XPO5: variants seen among roughly 807,000 people sequenced by gnomAD.
The protein encoded by XPO5 is exportin 5, also known as exportin-5.
XPO5 carries 46 observed loss-of-function variants against 160.6 expected under a neutral mutation model. The observed-to-expected ratio is 0.29, with a 90% CI of 0.23 to 0.37. The LOEUF (loss-of-function observed/expected upper bound fraction) is 0.37, where lower values mean the gene tolerates loss of function less well. Ranked by LOEUF, XPO5 falls within the 10% of genes least tolerant of loss-of-function variation. The pLI, the probability that XPO5 is intolerant of heterozygous loss-of-function variation, is 1.00. For missense variants in XPO5, 1,090 were observed against 1,463.9 expected, an observed-to-expected ratio of 0.74 and a Z score of 4.17; for synonymous variants, 537 against 519.3, an observed-to-expected ratio of 1.03 and a Z score of -0.46.
chr6:43,546,553 G>C lies in XPO5; in HGVS notation c.2342+18C>G. ...GTAAAGTAGAAAACAACAGAGAAAA[G>C]CCATTATTCTGACTCACCTTATAAG... On this transcript the variant is annotated intron_variant, in intron 20 of 31. Coordinates refer to ENST00000265351, the MANE Select transcript of XPO5 (RefSeq NM_020750.3). 1 of 1,589,252 alleles carries C rather than the reference G, an allele frequency of 6.3e-7. No homozygotes were observed. The highest frequency in any genetic ancestry group is 1.4e-5 in the African/African-American group (1 of 73,618).
intron 12 of XPO5, among the ~76,000 whole-genome samples, chr6:43,556,745 T>C (rs140260429): frequency 1.3e-5 from 2 of 152,248 alleles, no homozygotes; most frequent in African/African-American, 2.4e-5. Flanking sequence ...TTATTTGTAA[T>C]AGCCAAAAAA....
intron 20 of XPO5, chr6:43,539,671 A>T: frequency 9.8e-7 from 1 of 1,025,520 alleles, no homozygotes; most frequent in Non-Finnish European, 1.4e-6. Flanking sequence ...CAGGGCCTCC[A>T]GGCCCCCCCA....
intron 20 of XPO5, chr6:43,539,531 T>G: frequency 6.7e-7 from 1 of 1,503,652 alleles, no homozygotes; most frequent in Non-Finnish European, 9.1e-7. Flanking sequence ...CATCCACTCC[T>G]TATCTTTGGC....
chr6:43,560,829 ATT>A, intron 10 of XPO5, 93 bp downstream of exon 10: 1 of 1,082,306 alleles, frequency 9.2e-7, no homozygotes, highest in Non-Finnish European at 1.4e-6. Flanking sequence ...GAAGAGTCAC[ATT>A]TTATACATGA....
chr6:43,575,401 T>C (rs1165921258), intron 1 of XPO5, among the ~76,000 whole-genome samples: 1 of 151,866 alleles, frequency 6.6e-6, no homozygotes, highest in African/African-American at 2.4e-5. Context: ...GATCTACACG[T>C]GCGCCTCGGG....
chr6:43,526,291 G>C, intron 27 of XPO5: 1 of 359,078 alleles, frequency 2.8e-6, no homozygotes, highest in Non-Finnish European at 5.2e-6. Context: ...ATGGGAGATA[G>C]GTAAGAAAGG....
chr6:43,570,824 A>G, intron 4 of XPO5, 33 bp downstream of exon 4: 7 of 1,569,024 alleles, frequency 4.5e-6, no homozygotes, highest in Non-Finnish European at 6.0e-6. Context: ...TCCAAGGAAA[A>G]GTATACCAAA....
intron 15 of XPO5, 21 bp downstream of exon 15, chr6:43,551,277 C>T: frequency 6.5e-7 from 1 of 1,536,514 alleles, no homozygotes; most frequent in Non-Finnish European, 8.7e-7. Context: ...ATAAAATTTA[C>T]AAAGGAGATG....
At chr6:43,538,026 A>G (rs1267427047) in intron 20 of XPO5, among the ~76,000 whole-genome samples, 4 of 139,960 alleles carry the variant, frequency 2.9e-5, no homozygotes, top group South Asian at 2.6e-4. Context: ...CGGAGGGTGC[A>G]GTGAGCTGAG....
rs913866930 is a variant in XPO5 at position 43,523,432 on chromosome 6, T to A, written c.*436A>T. ...CAAAAGGGCTCAGTGGGAGTTGGAGTGGTCCAAGAGAAACTCTGGCACAAG... is the reference window on the plus strand; with the variant it reads ...CAAAAGGGCTCAGTGGGAGTTGGAGAGGTCCAAGAGAAACTCTGGCACAAG... On this transcript the variant is annotated 3_prime_UTR_variant, in exon 32 of 32. Transcript: ENST00000265351. 3.2e-6 allele frequency: 1 copy of A among 311,394 alleles called. No individual in the cohort carries two copies. Among genetic ancestry groups the A allele is most frequent in the African/African-American group, 2.2e-5 (1 of 46,046 alleles). 19.3% of individuals were successfully genotyped at this position (311,394 alleles called of 1,614,324 possible). A position where few individuals can be genotyped will look rare whatever the true frequency, so the allele number is the denominator to read the frequency against.
rs1191727799 is a variant in XPO5, at chr6:43,529,909, CAA to C, written c.2677+777_2677+778del. ...CCTGGGTAACACTGAGACCCTGTCTCAAAAAAAAAAAAAAAAAAGTGCTTCTA... is the reference window on the plus strand; with the variant it reads ...CCTGGGTAACACTGAGACCCTGTCTCAAAAAAAAAAAAAAAAGTGCTTCTA... On this transcript the variant is annotated intron_variant, in intron 23 of 31. Transcript: ENST00000265351. 3.0e-3 allele frequency among the ~76,000 whole-genome samples: 292 copies of C among 97,492 alleles called. 2 individuals carry two copies. Among genetic ancestry groups the C allele is most frequent in the African/African-American group, 9.5e-3 (244 of 25,634 alleles). The allele number at this position is 97,492 out of a possible 152,430, so 64.0% of individuals were successfully genotyped here.
intron 3 of XPO5, 71 bp downstream of exon 3, chr6:43,572,435 C>A: frequency 2.1e-6 from 3 of 1,457,672 alleles, no homozygotes; most frequent in Non-Finnish European, 2.9e-6. Flanking sequence ...TTTACACAAA[C>A]TCCCTATTGA....
chr6:43,551,533 C>G (rs1248587373), intron 14 of XPO5, 80 bp from the exon 15 acceptor site: 3 of 1,540,226 alleles, frequency 1.9e-6, no homozygotes, highest in Non-Finnish European at 2.7e-6. Context: ...TTATTTTCAT[C>G]TTTTAAAGAG....
chr6:43,558,835 A>G, intron 11 of XPO5: 1 of 387,574 alleles, frequency 2.6e-6, no homozygotes. Flanking sequence ...CTCAGGGAGA[A>G]TTAAATTCTT....
At chr6:43,572,431 C>G in intron 3 of XPO5, 75 bp downstream of exon 3, 1 of 1,449,786 alleles carries the variant, frequency 6.9e-7, no homozygotes, top group Non-Finnish European at 9.7e-7. Flanking sequence ...AATTTTTACA[C>G]AAACTCCCTA....
chr6:43,531,415 A>G, intron 22 of XPO5, 64 bp downstream of exon 22: 5 of 1,477,418 alleles, frequency 3.4e-6, no homozygotes, highest in East Asian at 2.3e-5. Context: ...AGTCCAACCC[A>G]TGGACATTCC....
In XPO5 at chr6:43,523,964, C is replaced by G; in HGVS notation, c.3519G>C (p.Lys1173Asn). ...GEQFRKEVHI[K>N]NLPSLFKKTK... ...TTTTTTTGAAAAGTGAGGGAAGATT[C>G]TTAATGTGAACTTCTTTTCGGAACT... Residue 1173 changes from lysine to asparagine, a missense_variant, in exon 32 of 32, where the codon AAG (lysine) becomes AAC (asparagine). Physicochemically the swap from Lys to Asn is moderately conservative, Grantham distance 94. This residue lies in a region of XPO5 where 810 missense variants were observed against 1,139.0 expected (regional missense o/e 0.71). Transcript: ENST00000265351. 6.2e-7 allele frequency: 1 copy of G among 1,613,896 alleles called. No individual in the cohort carries two copies. Among genetic ancestry groups the G allele is most frequent in the Non-Finnish European group, 8.5e-7 (1 of 1,179,888 alleles).
At position 43,548,356 on chromosome 6, in the gene XPO5, A is replaced by G. The variant is rs1279155149; in HGVS notation, c.1965T>C (p.Ile655=). Reference sequence around the variant, plus strand: ...GCTCGTAGTTCTTAAATTGGTTGCTAATGAGAACCAGGGCTTCCATGAGGG... The same window carrying G: ...GCTCGTAGTTCTTAAATTGGTTGCTGATGAGAACCAGGGCTTCCATGAGGG... ...KCALMEALVL[I]SNQFKNYERQ... The change falls in exon 18 of 32, where the codon ATT becomes ATC. Residue 655 remains isoleucine (I), a synonymous_variant. Transcript: ENST00000265351. 6.2e-7 allele frequency: 1 copy of G among 1,613,636 alleles called. No homozygotes were observed. Among genetic ancestry groups the G allele is most frequent in the African/African-American group, 1.3e-5 (1 of 74,922 alleles).
At chr6:43,534,133 G>C (rs1036019995) in intron 20 of XPO5, 126 bp from the exon 21 acceptor site, 1 of 601,840 alleles carries the variant, frequency 1.7e-6, no homozygotes, top group Admixed American at 2.8e-5. Flanking sequence ...GCAGGGGAAA[G>C]AAAAGAAGGT....
Sources: allele counts gnomAD v4.1 joint callset (sites outside exome capture counted in the v4.1 genomes callset), GRCh38; gene constraint gnomAD v4.1.1; regional missense constraint gnomAD v4.1.1; transcripts MANE v1.5; gene names NCBI Gene and HGNC (gene_info 2026-07-23, HGNC 2026-07-21).